Variants in ZNF536 observed in about 807,000 individuals in gnomAD.
The protein encoded by ZNF536 is zinc finger protein 536.
A neutral mutation model predicts 84.5 loss-of-function variants in ZNF536; 13 were observed. That is an observed-to-expected ratio of 0.15 (90% CI 0.10 to 0.24). The LOEUF (loss-of-function observed/expected upper bound fraction) is 0.24. Ranked by LOEUF, ZNF536 falls within the 10% of genes least tolerant of loss-of-function variation. The probability of loss-of-function intolerance (pLI) is 1.00; values close to 1 mark genes in which losing one functional copy is unlikely to be tolerated. For missense variants in ZNF536, 1,536 were observed against 1,747.5 expected (o/e 0.88, Z 2.16); for synonymous variants, 811 against 742.5 (o/e 1.09, Z -1.50).
At chr19:30,455,563 C>T (rs1284059110) in intron 2 of ZNF536, among the ~76,000 whole-genome samples, 2 of 152,092 alleles carry the variant, frequency 1.3e-5, no homozygotes, top group African/African-American at 2.4e-5. Flanking sequence ...TTAGCCAGAG[C>T]GGTGGCATAT....
At chr19:30,602,853 T>C (rs2047737962) in intron 1 of ZNF536, among the ~76,000 whole-genome samples, 1 of 152,170 alleles carries the variant, frequency 6.6e-6, no homozygotes, top group South Asian at 2.1e-4. Flanking sequence ...TGGGTACTCT[T>C]GAGAGACCTT....
chr19:30,640,108 G>A (rs1014470200), intron 1 of ZNF536, among the ~76,000 whole-genome samples: 18 of 152,124 alleles, frequency 1.2e-4, no homozygotes, highest in African/African-American at 3.4e-4. Flanking sequence ...TTAGCTGGGC[G>A]TGGTGGCACG....
At chr19:30,634,286 A>C (rs2048988559) in intron 1 of ZNF536, among the ~76,000 whole-genome samples, 1 of 152,242 alleles carries the variant, frequency 6.6e-6, no homozygotes, top group Admixed American at 6.5e-5. Flanking sequence ...AAATGCTGTC[A>C]TAATATTGAG....
chr19:30,558,639 C>T (rs1294685103), downstream of ZNF536, among the ~76,000 whole-genome samples: 2 of 152,142 alleles, frequency 1.3e-5, no homozygotes, highest in Non-Finnish European at 2.9e-5. Context: ...TCCACTTTGC[C>T]TCCTGGTGGG....
At chr19:30,312,885 C>T (rs2046552752) in intron 2 of ZNF536, among the ~76,000 whole-genome samples, 2 of 152,252 alleles carry the variant, frequency 1.3e-5, no homozygotes, top group South Asian at 4.1e-4. Flanking sequence ...TTTGCTGGGA[C>T]CGTTTCCTCT....
chr19:30,542,458 G>A (rs1214801988), intron 3 of ZNF536, among the ~76,000 whole-genome samples: 1 of 152,176 alleles, frequency 6.6e-6, no homozygotes, highest in African/African-American at 2.4e-5. Flanking sequence ...TGGGAAGCTG[G>A]CTTACTGTAC....
At chr19:30,594,425 T>C (rs891744482) in intron 1 of ZNF536, among the ~76,000 whole-genome samples, 3 of 152,098 alleles carry the variant, frequency 2.0e-5, no homozygotes, top group African/African-American at 7.2e-5. Flanking sequence ...CTTCTTTCCC[T>C]CCTCAGTCTC....
At chr19:30,308,226 TG>T (rs2046398053) in intron 2 of ZNF536, among the ~76,000 whole-genome samples, 1 of 152,168 alleles carries the variant, frequency 6.6e-6, no homozygotes, top group East Asian at 1.9e-4. Flanking sequence ...GGTTTGTCAT[TG>T]TGAGCTTGGT....
chr19:30,248,232 T>TTTA (rs2024398203), intron 1 of ZNF536, among the ~76,000 whole-genome samples: 1 of 149,808 alleles, frequency 6.7e-6, no homozygotes, highest in Admixed American at 6.7e-5. Context: ...TTCTTTTTTT[T>TTTA]TTTTTTTGCG....
At chr19:30,243,259 G>C (rs2024060711) in intron 1 of ZNF536, among the ~76,000 whole-genome samples, 1 of 151,848 alleles carries the variant, frequency 6.6e-6, no homozygotes, top group African/African-American at 2.4e-5. Flanking sequence ...GTTGGCAATT[G>C]TCCACTCATT....
At chr19:30,686,046 G>T (rs1037175133) in intron 1 of ZNF536, among the ~76,000 whole-genome samples, 1 of 152,232 alleles carries the variant, frequency 6.6e-6, no homozygotes, top group African/African-American at 2.4e-5. Context: ...TGTGATGTCT[G>T]AATCCCTGTG....
intron 1 of ZNF536, among the ~76,000 whole-genome samples, chr19:30,604,935 C>A (rs1029036779): frequency 1.3e-5 from 2 of 152,134 alleles, no homozygotes; most frequent in African/African-American, 2.4e-5. Context: ...GTCCTTCCAG[C>A]GACAGCAGGT....
chr19:30,497,366 G>A (rs1004738410), intron 2 of ZNF536, among the ~76,000 whole-genome samples: 1 of 152,210 alleles, frequency 6.6e-6, no homozygotes, highest in South Asian at 2.1e-4. Flanking sequence ...CAATAACCCA[G>A]CATGCAGGGA....
intron 1 of ZNF536, among the ~76,000 whole-genome samples, chr19:30,277,573 C>T (rs1289801369): frequency 5.3e-5 from 8 of 152,198 alleles, no homozygotes; most frequent in Non-Finnish European, 8.8e-5. Context: ...ATATTTCAGC[C>T]GTGTCGTATG....
intron 1 of ZNF536, among the ~76,000 whole-genome samples, chr19:30,277,731 C>A (rs141849578): frequency 6.6e-6 from 1 of 152,174 alleles, no homozygotes; most frequent in East Asian, 1.9e-4. Context: ...GCAGCGTGTC[C>A]GTTGTGGGAC....
chr19:30,709,985 A>T (rs182669229), intron 1 of ZNF536, among the ~76,000 whole-genome samples: 2 of 152,232 alleles, frequency 1.3e-5, no homozygotes, highest in Admixed American at 1.3e-4. Flanking sequence ...TAGGAAAAAA[A>T]CTCAAATGAG....
intron 2 of ZNF536, among the ~76,000 whole-genome samples, chr19:30,456,308 CTTTTTTTTTTTT>C (rs11301441): frequency 2.8e-5 from 3 of 108,092 alleles, no homozygotes; most frequent in Admixed American, 9.8e-5. Flanking sequence ...TGTTTCTTTT[CTTTTTTTTTTTT>C]TTTTTTTTGC....
At chr19:30,232,307 CA>C (rs1363101865) in intron 1 of ZNF536, among the ~76,000 whole-genome samples, 9 of 152,100 alleles carry the variant, frequency 5.9e-5, no homozygotes, top group African/African-American at 1.7e-4. Flanking sequence ...ATTTTAGCTT[CA>C]GGGGGTACAT....
intron 3 of ZNF536, among the ~76,000 whole-genome samples, chr19:30,544,375 G>A (rs936008327): frequency 3.9e-5 from 6 of 152,172 alleles, no homozygotes; most frequent in African/African-American, 1.2e-4. Flanking sequence ...TAATTCACCA[G>A]GCCTGGGCCC....
Sources: gnomAD v4.1 joint callset for allele counts (sites outside exome capture counted in the v4.1 genomes callset) on GRCh38, gnomAD v4.1.1 for gene constraint, MANE v1.5 for transcripts, NCBI Gene and HGNC (gene_info 2026-07-23, HGNC 2026-07-21) for gene names.